The following NBPF14 variants were observed in gnomAD, a reference collection of about 807,000 sequenced individuals.
NBPF14 encodes NBPF member 14, also known as NBPF family member NBPF14.
NBPF14 carries 104 observed loss-of-function variants against 91.2 expected under a neutral mutation model. That is an observed-to-expected ratio of 1.14 (90% CI 0.97 to 1.34). The LOEUF is 1.34. NBPF14 is among the 40% of genes most tolerant of loss of function. The pLI is 0.00. For missense variants in NBPF14, 908 were observed against 783.0 expected, an observed-to-expected ratio of 1.16 and a Z score of -1.91; for synonymous variants, 294 against 303.8, an observed-to-expected ratio of 0.97 and a Z score of 0.34.
chr1:148,559,728 G>T lies in NBPF14; in HGVS notation c.4729+65C>A, dbSNP rs1490966481. 1.1e-5 allele frequency: 9 copies of T among 854,098 alleles called. 1 individual carries two copies. In the East Asian group the frequency reaches 1.4e-4, roughly 13 times the overall value. 52.9% of individuals were successfully genotyped at this position (854,098 alleles called of 1,614,324 possible). A position where few individuals can be genotyped will look rare whatever the true frequency, so the allele number is the denominator to read the frequency against. On this transcript the variant is annotated intron_variant, in intron 37 of 70. Transcript: ENST00000619423. ...CTCAGCTCAGTAAGGGCCACTTGCAGTAGGAATATGACCCTAACCAGAAGA... is the reference window on the plus strand; with the variant it reads ...CTCAGCTCAGTAAGGGCCACTTGCATTAGGAATATGACCCTAACCAGAAGA...
intron 36 of NBPF14, among the ~76,000 whole-genome samples, chr1:148,560,195 G>C (rs1441682768): frequency 1.3e-5 from 2 of 151,276 alleles, no homozygotes; most frequent in East Asian, 2.0e-4. Flanking sequence ...GACAGAGACA[G>C]AGAGAAAGTG....
At chr1:148,542,269 T>A (rs1228330397) in intron 59 of NBPF14, among the ~76,000 whole-genome samples, 1 of 66,514 alleles carries the variant, frequency 1.5e-5, no homozygotes. Context: ...TGAGTCAAAA[T>A]CATAGTTCTC....
At chr1:148,572,415 C>T (rs1659245113) in intron 21 of NBPF14, 28 bp downstream of exon 21, 1 of 447,370 alleles carries the variant, frequency 2.2e-6, no homozygotes, top group East Asian at 3.5e-5. Context: ...CAGGTGGAGG[C>T]TTATCACCTT....
Position 148,591,272 on chromosome 1 carries a change from C to T in NBPF14, c.566+160G>A, listed in dbSNP as rs1233364855. Among the ~76,000 whole-genome samples the T allele has an allele frequency of 8.7e-5, 13 of 148,748 alleles. 2 individuals carry two copies. Among genetic ancestry groups the T allele is most frequent in the Non-Finnish European group, 1.8e-4 (12 of 66,332 alleles). Reference sequence around the variant, plus strand: ...GACACTTGGCACACATAGAGAAACACGACAGCTGCCGCACCCTGTGTCTAA... The same window carrying T: ...GACACTTGGCACACATAGAGAAACATGACAGCTGCCGCACCCTGTGTCTAA... On this transcript the variant is annotated intron_variant, in intron 5 of 70. Coordinates refer to ENST00000619423, the Ensembl canonical transcript of NBPF14.
intron 8 of NBPF14, among the ~76,000 whole-genome samples, chr1:148,586,851 C>T (rs1181261414): frequency 2.2e-5 from 3 of 138,614 alleles, no homozygotes; most frequent in African/African-American, 7.8e-5. Flanking sequence ...AGAAATGAGG[C>T]CAGGTGCAGA....
In NBPF14 at chr1:148,533,851, T is replaced by G. The variant is rs1180338539; in HGVS notation, c.8723+10A>C. 1 of 765,298 alleles carries G rather than the reference T, an allele frequency of 1.3e-6. No individual in the cohort carries two copies. Among genetic ancestry groups the G allele is most frequent in the African/African-American group, 1.7e-5 (1 of 58,840 alleles). 47.4% of individuals were successfully genotyped at this position (765,298 alleles called of 1,614,324 possible). On this transcript the variant is annotated intron_variant, in intron 70 of 70. Transcript: ENST00000619423. ...CACAGAACTAAGGATCCACAATTGC[T>G]GAAAGTCACCTGGGGCATGGTGGGT...
At chr1:148,587,460 A>T in intron 7 of NBPF14, 57 bp from the exon 8 acceptor site, 2 of 1,504,898 alleles carry the variant, frequency 1.3e-6, no homozygotes, top group Admixed American at 1.7e-5. Flanking sequence ...TGCTGTGGTC[A>T]TTGCCTACAG....
At chr1:148,535,194 T>A (rs1481049888) in intron 68 of NBPF14, among the ~76,000 whole-genome samples, 1 of 149,854 alleles carries the variant, frequency 6.7e-6, no homozygotes, top group Non-Finnish European at 1.5e-5. Context: ...CTCAATAATT[T>A]TCCATAAACT....
rs1280119918 is a variant in NBPF14 at position 148,593,330 on chromosome 1, C to A, written c.278+268G>T. ...TATACTGAATGCTGCTGGGTGGTTC[C>A]CACTCCTTTGGTGAATTTTGTGTTA... On this transcript the variant is annotated intron_variant, in intron 3 of 70. Transcript: ENST00000619423. 8.8e-4 allele frequency among the ~76,000 whole-genome samples: 131 copies of A among 148,848 alleles called. 3 individuals carry two copies. Among genetic ancestry groups the A allele is most frequent in the African/African-American group, 3.0e-3 (125 of 41,064 alleles).
At chr1:148,566,102 G>C in intron 29 of NBPF14, 41 bp downstream of exon 29, 1 of 438,800 alleles carries the variant, frequency 2.3e-6, no homozygotes, top group African/African-American at 4.3e-5. Context: ...TTATATGGAA[G>C]ACTCAGTGGA....
chr1:148,566,644 G>T (rs1360489594), intron 28 of NBPF14, among the ~76,000 whole-genome samples: 1 of 138,254 alleles, frequency 7.2e-6, no homozygotes, highest in African/African-American at 2.6e-5. Context: ...AGGACACACA[G>T]CATACAGGGA....
chr1:148,566,449 T>A, intron 28 of NBPF14, 134 bp from the exon 29 acceptor site: 1 of 600,400 alleles, frequency 1.7e-6, no homozygotes. Context: ...GGTAACAAAT[T>A]GTTGCCTTCA....
At chr1:148,576,981 C>A (rs1331960292) in intron 15 of NBPF14, among the ~76,000 whole-genome samples, 1 of 144,338 alleles carries the variant, frequency 6.9e-6, no homozygotes, top group African/African-American at 2.5e-5. Flanking sequence ...TGGCCTGAGA[C>A]TAGGAAGAGA....
chr1:148,532,252 G>A (rs1570876365), exon 71 of NBPF14: 1 of 151,540 alleles, frequency 6.6e-6, no homozygotes, highest in Non-Finnish European at 1.5e-5. Flanking sequence ...TGAAACTCAG[G>A]CTAAGCGTTT....
chr1:148,577,531 A>G (rs1189608581), intron 14 of NBPF14, among the ~76,000 whole-genome samples, 176 bp from the exon 15 acceptor site: 3 of 143,486 alleles, frequency 2.1e-5, no homozygotes, highest in Non-Finnish European at 4.5e-5. Flanking sequence ...GTAGAAAAGG[A>G]TGAACGAGAA....
At chr1:148,533,667 G>C (rs1217514669) in intron 70 of NBPF14, among the ~76,000 whole-genome samples, 194 bp downstream of exon 70, 1 of 148,940 alleles carries the variant, frequency 6.7e-6, no homozygotes, top group African/African-American at 2.5e-5. Flanking sequence ...GTCAACCTAT[G>C]GTACGTTAGG....
At chr1:148,577,737 G>T (rs1231234866) in intron 14 of NBPF14, among the ~76,000 whole-genome samples, 2 of 141,506 alleles carry the variant, frequency 1.4e-5, no homozygotes, top group African/African-American at 2.8e-5. Flanking sequence ...AAGTTTCCCG[G>T]CAGTTACCAT....
chr1:148,587,053 G>T (rs1218307396), intron 8 of NBPF14, among the ~76,000 whole-genome samples: 1 of 147,392 alleles, frequency 6.8e-6, no homozygotes, highest in East Asian at 1.9e-4. Flanking sequence ...GGTTAATTTT[G>T]TGTTATGTAA....
Position 148,593,191 on chromosome 1 carries a change from A to G in NBPF14, c.278+407T>C, listed in dbSNP as rs1164260997. ...AATTGAAAAGATGAAAGAAGAAAAG[A>G]AGGACAGGGTCGAGGAGGCAACATT... On this transcript the variant is annotated intron_variant, in intron 3 of 70. Transcript: ENST00000619423. 4.0e-5 allele frequency among the ~76,000 whole-genome samples: 6 copies of G among 148,372 alleles called. 1 individual carries two copies. Among genetic ancestry groups the G allele is most frequent in the South Asian group, 4.4e-4 (2 of 4,582 alleles).
Sources: allele counts gnomAD v4.1 joint callset (sites outside exome capture counted in the v4.1 genomes callset), GRCh38; gene constraint gnomAD v4.1.1; transcripts MANE v1.5; gene names NCBI Gene and HGNC (gene_info 2026-07-23, HGNC 2026-07-21).